PIEZO2: variants seen among roughly 807,000 people sequenced by gnomAD.
PIEZO2 encodes piezo-type mechanosensitive ion channel component 2.
PIEZO2 carries 172 observed loss-of-function variants against 337.3 expected under a neutral mutation model. The ratio of observed to expected loss-of-function variants is 0.51; its 90% CI spans 0.45 to 0.58. PIEZO2 has a LOEUF of 0.58. PIEZO2 is among the 20% of genes least tolerant of loss of function. The probability of loss-of-function intolerance (pLI) is 0.00; values close to 1 mark genes in which losing one functional copy is unlikely to be tolerated. For synonymous variants in PIEZO2, 1,251 were observed against 1,228.5 expected (o/e 1.02, Z -0.38); for missense variants, 3,028 against 3,391.3 (o/e 0.89, Z 2.66).
Position 10,824,330 on chromosome 18 carries a change from G to A in PIEZO2, c.918-17056C>T, listed in dbSNP as rs2040606795. Among the ~76,000 whole-genome samples the A allele has an allele frequency of 6.6e-6, 1 of 152,144 alleles. No homozygotes were observed. Among genetic ancestry groups the A allele is most frequent in the African/African-American group, 2.4e-5 (1 of 41,418 alleles). On this transcript the variant is annotated intron_variant, in intron 7 of 55. Transcript: ENST00000674853. This position sits in a 1 kb window ranked among gnomAD's most constrained non-coding sequence, Gnocchi z 4.4. ...CCTTCAAGACCTTAATATTTGCAGA[G>A]CCTTGGTTTCCCATCTGCAGCTTTC...
chr18:10,675,622 T>C (rs2033964536), intron 53 of PIEZO2, among the ~76,000 whole-genome samples: 1 of 152,238 alleles, frequency 6.6e-6, no homozygotes, highest in African/African-American at 2.4e-5. Flanking sequence ...CCAATTCTTA[T>C]CCATACCATT....
intron 3 of PIEZO2, among the ~76,000 whole-genome samples, chr18:10,968,800 C>T (rs1214355293): frequency 6.6e-6 from 1 of 152,052 alleles, no homozygotes; most frequent in East Asian, 1.9e-4. Context: ...TTTTTATGCT[C>T]ATATTCTGCA....
intron 28 of PIEZO2, among the ~76,000 whole-genome samples, chr18:10,752,124 C>G (rs1255771560): frequency 2.6e-5 from 4 of 152,182 alleles, no homozygotes; most frequent in Non-Finnish European, 5.9e-5. Flanking sequence ...CTTCTGAGTA[C>G]ATAAAACATT....
intron 36 of PIEZO2, among the ~76,000 whole-genome samples, chr18:10,719,939 A>G (rs2036185955): frequency 6.6e-6 from 1 of 152,102 alleles, no homozygotes; most frequent in Admixed American, 6.6e-5. Context: ...GAGACACAAA[A>G]TAGACCCAGG....
At position 10,885,087 on chromosome 18, in the gene PIEZO2, A is replaced by C. The variant is rs144838027; in HGVS notation, c.330-13672T>G. The stretch of plus-strand genomic sequence containing the variant: ...TATGGAAGAAAATACATTCCCGAAA[A>C]ACAGATGAATGCAACACCACACGTG... On this transcript the variant is annotated intron_variant, in intron 4 of 55. Coordinates refer to ENST00000674853, the MANE Select transcript of PIEZO2 (RefSeq NM_001378183.1). Among the ~76,000 whole-genome samples, 956 of 152,234 alleles carry C rather than the reference A, an allele frequency of 6.3e-3. 5 individuals carry two copies. The highest frequency in any genetic ancestry group is 0.024 in the Middle Eastern group (7 of 294).
chr18:10,974,128 G>A (rs886882455), intron 3 of PIEZO2, among the ~76,000 whole-genome samples: 1 of 152,196 alleles, frequency 6.6e-6, no homozygotes, highest in Non-Finnish European at 1.5e-5. Context: ...TCGTCGGGAT[G>A]GGAGGATAAA....
In PIEZO2 at chr18:10,877,359, G is replaced by T. The variant is rs1057298085; in HGVS notation, c.330-5944C>A. Among the ~76,000 whole-genome samples the T allele has an allele frequency of 6.6e-6, 1 of 152,180 alleles. No individual in the cohort carries two copies. The highest frequency in any genetic ancestry group is 1.5e-5 in the Non-Finnish European group (1 of 68,028). ...AAATAGTGTTAGATTAAATTTTTAAGAAATGGTTTTAAGGGCAAATAATGT... is the reference window on the plus strand; with the variant it reads ...AAATAGTGTTAGATTAAATTTTTAATAAATGGTTTTAAGGGCAAATAATGT... On this transcript the variant is annotated intron_variant, in intron 4 of 55. Transcript: ENST00000674853. This position sits in a 1 kb window ranked among gnomAD's most constrained non-coding sequence, Gnocchi z 5.3.
intron 2 of PIEZO2, among the ~76,000 whole-genome samples, chr18:11,017,217 C>T (rs2036145962): frequency 6.6e-6 from 1 of 152,162 alleles, no homozygotes; most frequent in Non-Finnish European, 1.5e-5. Flanking sequence ...ATGGGTTGCC[C>T]TGGAAGTCCA....
chr18:10,671,909 A>AT (rs769364820), intron 55 of PIEZO2, 130 bp from the exon 56 acceptor site: 28 of 852,832 alleles, frequency 3.3e-5, no homozygotes, highest in African/African-American at 2.3e-4. Context: ...CAAATCTTAC[A>AT]TTTTTTCCCT....
chr18:11,052,271 A>G (rs1468023352), intron 2 of PIEZO2, among the ~76,000 whole-genome samples: 1 of 152,222 alleles, frequency 6.6e-6, no homozygotes, highest in African/African-American at 2.4e-5. Context: ...GGCTGTCCCA[A>G]ATGGATACTG....
At position 11,028,114 on chromosome 18, in the gene PIEZO2, A is replaced by G. The variant is rs374126454; in HGVS notation, c.160+38013T>C. Among the ~76,000 whole-genome samples, 36 of 152,364 alleles carry G rather than the reference A, an allele frequency of 2.4e-4. No homozygotes were observed. Among genetic ancestry groups the G allele is most frequent in the African/African-American group, 8.7e-4 (36 of 41,596 alleles). On this transcript the variant is annotated intron_variant, in intron 2 of 55. Coordinates refer to ENST00000674853, the MANE Select transcript of PIEZO2 (RefSeq NM_001378183.1). This position sits in a 1 kb window ranked among gnomAD's most constrained non-coding sequence, Gnocchi z 4.8. ...GATCTCAGTTCTCACTTTCTGATTT[A>G]CATGGTGTGGCACCACGAGCTGCAA...
chr18:10,884,627 T>C (rs1387501149), intron 4 of PIEZO2, among the ~76,000 whole-genome samples: 2 of 152,168 alleles, frequency 1.3e-5, no homozygotes, highest in Admixed American at 6.5e-5. Context: ...AGGACACCAT[T>C]AACGACTAGC....
chr18:11,049,013 G>A (rs1004600670), intron 2 of PIEZO2, among the ~76,000 whole-genome samples: 7 of 152,114 alleles, frequency 4.6e-5, no homozygotes, highest in East Asian at 1.9e-4. Context: ...AATTAGTCTC[G>A]TCCAGGCTTT....
intron 3 of PIEZO2, among the ~76,000 whole-genome samples, chr18:10,934,307 T>C (rs2145208257): frequency 6.6e-6 from 1 of 152,284 alleles, no homozygotes; most frequent in Admixed American, 6.5e-5. Context: ...GGCTTCCACA[T>C]CCAGGAGTGA....
At chr18:11,118,504 T>C (rs1439136004) in intron 1 of PIEZO2, among the ~76,000 whole-genome samples, 2 of 152,254 alleles carry the variant, frequency 1.3e-5, no homozygotes, top group African/African-American at 4.8e-5. Flanking sequence ...CGATTGCATC[T>C]AACCTTTGGA....
intron 3 of PIEZO2, among the ~76,000 whole-genome samples, chr18:10,911,819 A>G (rs1280991814): frequency 1.3e-5 from 2 of 151,762 alleles, no homozygotes; most frequent in Non-Finnish European, 2.9e-5. Flanking sequence ...AGAACTCTCC[A>G]TGCCAACCCC....
chr18:10,921,230 C>T (rs1276306422), intron 3 of PIEZO2, among the ~76,000 whole-genome samples: 1 of 151,966 alleles, frequency 6.6e-6, no homozygotes, highest in African/African-American at 2.4e-5. Context: ...GGTGACGGAG[C>T]AGTGAGTTGT....
intron 4 of PIEZO2, among the ~76,000 whole-genome samples, chr18:10,906,931 G>A (rs2029994017): frequency 6.6e-6 from 1 of 152,108 alleles, no homozygotes; most frequent in Admixed American, 6.5e-5. Context: ...TGAGTACTGT[G>A]AGATGTAGTG....
At chr18:10,747,009 C>T (rs1391094735) in intron 30 of PIEZO2, among the ~76,000 whole-genome samples, 1 of 152,182 alleles carries the variant, frequency 6.6e-6, no homozygotes, top group Non-Finnish European at 1.5e-5. Context: ...TGAACATCAC[C>T]TCTTTGTAAC....
Sources: gnomAD v4.1 joint callset for allele counts (sites outside exome capture counted in the v4.1 genomes callset) on GRCh38, gnomAD v4.1.1 for gene constraint, Gnocchi (gnomAD v3.1) non-coding constraint, MANE v1.5 for transcripts, NCBI Gene and HGNC (gene_info 2026-07-23, HGNC 2026-07-21) for gene names.